Variants in UNC5D observed in about 807,000 individuals in gnomAD.
The protein encoded by UNC5D is netrin receptor UNC5D.
In UNC5D, 39 loss-of-function variants were observed where a neutral mutation model predicts 105.4. That is an observed-to-expected ratio of 0.37 (90% CI 0.29 to 0.48). The LOEUF (loss-of-function observed/expected upper bound fraction) is 0.48, where lower values mean the gene tolerates loss of function less well. Ranked by LOEUF, UNC5D falls within the 20% of genes least tolerant of loss-of-function variation. The pLI, the probability that UNC5D is intolerant of heterozygous loss-of-function variation, is 0.98. For synonymous variants in UNC5D, 452 were observed against 450.4 expected (o/e 1.00, Z -0.04); for missense variants, 991 against 1,202.4 (o/e 0.82, Z 2.60).
chr8:35,425,646 C>T (rs1806198973), intron 1 of UNC5D, among the ~76,000 whole-genome samples: 1 of 152,100 alleles, frequency 6.6e-6, no homozygotes. Flanking sequence ...GATTCTCCTC[C>T]CTCAGAACCA....
intron 4 of UNC5D, among the ~76,000 whole-genome samples, chr8:35,677,775 C>CAT (rs60257801): frequency 0.71 from 106,046 of 149,540 alleles, 37,969 homozygotes; most frequent in East Asian, 0.89. Context: ...AGTATACCAG[C>CAT]ATATATATAT....
chr8:35,409,521 C>T (rs1035435091), intron 1 of UNC5D, among the ~76,000 whole-genome samples: 3 of 151,788 alleles, frequency 2.0e-5, no homozygotes, highest in Non-Finnish European at 4.4e-5. Flanking sequence ...TTTTAATATG[C>T]TTATTTGTCA....
chr8:35,620,894 A>G (rs986135784), intron 4 of UNC5D, among the ~76,000 whole-genome samples: 2 of 152,124 alleles, frequency 1.3e-5, no homozygotes, highest in South Asian at 4.1e-4. Context: ...AACACTGAAG[A>G]CTCACTAAGA....
rs1803163581 is a variant in UNC5D at position 35,794,099 on chromosome 8, C to T, written c.*3536C>T. ...GATAATTGGTTTTAGATAATATCTT[C>T]TACTGCCAAACTTCTGGCAAATTTA... is the stretch of plus-strand genomic sequence containing the variant. On this transcript the variant is annotated 3_prime_UTR_variant, in exon 17 of 17. Coordinates refer to ENST00000404895, the MANE Select transcript of UNC5D (RefSeq NM_080872.4). 6.6e-6 allele frequency: 1 copy of T among 152,274 alleles called. No individual in the cohort carries two copies. Among genetic ancestry groups the T allele is most frequent in the East Asian group, 1.9e-4 (1 of 5,182 alleles). 9.4% of individuals were successfully genotyped at this position (152,274 alleles called of 1,614,324 possible).
intron 1 of UNC5D, among the ~76,000 whole-genome samples, chr8:35,402,708 G>T (rs370611385): frequency 3.0e-4 from 45 of 152,260 alleles, no homozygotes; most frequent in Middle Eastern, 3.4e-3. Context: ...TTAGGATTCT[G>T]CAGTAGGATG....
Position 35,571,215 on chromosome 8 carries a change from G to A in UNC5D, c.466+2974G>A, listed in dbSNP as rs1817697158. Among the ~76,000 whole-genome samples the A allele has an allele frequency of 2.6e-5, 4 of 152,048 alleles. No individual in the cohort carries two copies. The South Asian group carries it at 8.3e-4, about 32-fold the overall frequency. ...TCATAAAATATTTTTGTGGTAATAA[G>A]CTCCCAAGTTGTTTTAGAGATTTAA... On this transcript the variant is annotated intron_variant, in intron 3 of 16. Coordinates refer to ENST00000404895, the MANE Select transcript of UNC5D (RefSeq NM_080872.4).
At chr8:35,587,965 A>AATAT (rs57681405) in intron 3 of UNC5D, among the ~76,000 whole-genome samples, 14,140 of 104,670 alleles carry the variant, frequency 0.14, 1,476 homozygotes, top group East Asian at 0.21. Context: ...TAACTATAAT[A>AATAT]ATATATATAT....
intron 4 of UNC5D, among the ~76,000 whole-genome samples, chr8:35,598,449 G>A (rs1819626387): frequency 6.6e-6 from 1 of 152,142 alleles, no homozygotes; most frequent in African/African-American, 2.4e-5. Context: ...ACTGTTGGTG[G>A]GAATGGAAAT....
At chr8:35,665,758 G>A (rs1396190534) in intron 4 of UNC5D, among the ~76,000 whole-genome samples, 4 of 150,784 alleles carry the variant, frequency 2.7e-5, no homozygotes, top group Non-Finnish European at 4.4e-5. Flanking sequence ...CAATAATGTC[G>A]ATGTAAATTA....
At chr8:35,364,184 CAAAT>C (rs545256853) in intron 1 of UNC5D, among the ~76,000 whole-genome samples, 84 of 152,228 alleles carry the variant, frequency 5.5e-4, no homozygotes, top group East Asian at 1.5e-3. Flanking sequence ...ACTAATTAGA[CAAAT>C]AAATAAATTT....
intron 1 of UNC5D, among the ~76,000 whole-genome samples, chr8:35,347,703 C>CA (rs1811904168): frequency 6.6e-6 from 1 of 151,928 alleles, no homozygotes; most frequent in Admixed American, 6.6e-5. Context: ...TCAGAGGCAG[C>CA]AAAGAGAGAA....
chr8:35,762,124 C>T (rs1237714473), intron 14 of UNC5D, among the ~76,000 whole-genome samples: 1 of 152,002 alleles, frequency 6.6e-6, no homozygotes, highest in Non-Finnish European at 1.5e-5. Context: ...AGTACCAAAC[C>T]CCTCCTCTAC....
intron 1 of UNC5D, among the ~76,000 whole-genome samples, chr8:35,374,624 GTTACTGTCTC>G (rs1802594257): frequency 1.3e-5 from 2 of 152,096 alleles, no homozygotes; most frequent in Admixed American, 6.6e-5. Flanking sequence ...ATGCTTATTT[GTTACTGTCTC>G]AAAAGGACAC....
intron 4 of UNC5D, among the ~76,000 whole-genome samples, chr8:35,640,066 C>T (rs1363039469): frequency 1.3e-5 from 2 of 151,970 alleles, no homozygotes; most frequent in Admixed American, 1.3e-4. Flanking sequence ...TGGTCCATTT[C>T]ATTTATTTGA....
intron 1 of UNC5D, among the ~76,000 whole-genome samples, chr8:35,429,990 C>T (rs1162326687): frequency 1.3e-5 from 2 of 152,080 alleles, no homozygotes; most frequent in African/African-American, 4.8e-5. Context: ...TGGTCTTTGT[C>T]CCACTGTTAT....
chr8:35,351,575 A>G (rs750424203), intron 1 of UNC5D, among the ~76,000 whole-genome samples: 16 of 152,108 alleles, frequency 1.1e-4, no homozygotes, highest in Middle Eastern at 3.4e-3. Context: ...ATAGACCCAA[A>G]CAACTGTTCT....
At chr8:35,325,583 A>G (rs1457939162) in intron 1 of UNC5D, among the ~76,000 whole-genome samples, 1 of 152,220 alleles carries the variant, frequency 6.6e-6, no homozygotes, top group Admixed American at 6.5e-5. Context: ...TAGCAAAGGA[A>G]TTGATAGTTC....
intron 7 of UNC5D, among the ~76,000 whole-genome samples, chr8:35,702,374 G>T (rs1160276950): frequency 6.6e-6 from 1 of 152,000 alleles, no homozygotes; most frequent in South Asian, 2.1e-4. Flanking sequence ...AAATAATCAA[G>T]ATCTCTTGGA....
chr8:35,711,242 C>A (rs909149681), intron 8 of UNC5D, among the ~76,000 whole-genome samples: 2 of 141,936 alleles, frequency 1.4e-5, no homozygotes, highest in African/African-American at 5.2e-5. Context: ...TGCAGTGGTG[C>A]GATCTTGGCT....
Sources: allele counts gnomAD v4.1 joint callset (sites outside exome capture counted in the v4.1 genomes callset), GRCh38; gene constraint gnomAD v4.1.1; transcripts MANE v1.5; gene names NCBI Gene and HGNC (gene_info 2026-07-23, HGNC 2026-07-21).